SKAP1: variants seen among roughly 807,000 people sequenced by gnomAD.
SKAP1 encodes the protein src kinase associated phosphoprotein 1.
In SKAP1, 44 loss-of-function variants were observed where a neutral mutation model predicts 58.5. The ratio of observed to expected loss-of-function variants is 0.75; its 90% CI spans 0.59 to 0.97. SKAP1 has a LOEUF of 0.97. Among genes scored for constraint, SKAP1 ranks in the 50% least tolerant of loss-of-function variants. SKAP1 has a pLI of 0.00. For synonymous variants in SKAP1, 127 were observed against 149.7 expected, an observed-to-expected ratio of 0.85 and a Z score of 1.11; for missense variants, 390 against 435.2, an observed-to-expected ratio of 0.90 and a Z score of 0.92.
the SKAP1 span, among the ~76,000 whole-genome samples, chr17:48,443,568 T>C: frequency 6.6e-6 from 1 of 152,070 alleles, no homozygotes; most frequent in African/African-American, 2.4e-5. Flanking sequence ...CTCTGCCTCC[T>C]GGGTTCAAGC....
chr17:48,360,307 C>G (rs1300590131), intron 3 of SKAP1, among the ~76,000 whole-genome samples: 3 of 151,692 alleles, frequency 2.0e-5, no homozygotes, highest in East Asian at 3.9e-4. Flanking sequence ...AACATTATAC[C>G]TTATAATCAA....
At chr17:48,241,981 T>A (rs565086721) in intron 4 of SKAP1, among the ~76,000 whole-genome samples, 1 of 152,326 alleles carries the variant, frequency 6.6e-6, no homozygotes, top group East Asian at 1.9e-4. Context: ...ATATTCCTGA[T>A]AATGGGCTTA....
At chr17:48,391,937 A>G (rs1183536309) in intron 2 of SKAP1, among the ~76,000 whole-genome samples, 1 of 152,266 alleles carries the variant, frequency 6.6e-6, no homozygotes, top group African/African-American at 2.4e-5. Flanking sequence ...TTTGATAAGC[A>G]TACTTCATTT....
At chr17:48,414,348 T>A (rs539974199) in intron 1 of SKAP1, among the ~76,000 whole-genome samples, 1 of 152,124 alleles carries the variant, frequency 6.6e-6, no homozygotes, top group South Asian at 2.1e-4. Flanking sequence ...AGGAAAAGAA[T>A]GGCCCAGGCA....
At chr17:48,316,668 G>A (rs1176120481) in intron 4 of SKAP1, among the ~76,000 whole-genome samples, 2 of 152,152 alleles carry the variant, frequency 1.3e-5, no homozygotes, top group Non-Finnish European at 2.9e-5. Flanking sequence ...CGTGCACATA[G>A]TAGGTCCTCA....
At chr17:48,393,044 C>A (rs1244251730) in intron 2 of SKAP1, among the ~76,000 whole-genome samples, 3 of 152,126 alleles carry the variant, frequency 2.0e-5, no homozygotes, top group Non-Finnish European at 4.4e-5. Context: ...TGTCTCACAT[C>A]TGGTGCTAAT....
chr17:48,264,727 A>C (rs1219920101), intron 4 of SKAP1, among the ~76,000 whole-genome samples: 1 of 148,840 alleles, frequency 6.7e-6, no homozygotes, highest in South Asian at 2.1e-4. Flanking sequence ...TTAAACTTAC[A>C]TTTAATCAAA....
chr17:48,243,988 A>T lies in SKAP1; in HGVS notation c.281-54488T>A, dbSNP rs184740232. Among the ~76,000 whole-genome samples, 3 of 152,344 alleles carry T rather than the reference A, an allele frequency of 2.0e-5. No individual in the cohort carries two copies. In the East Asian group the frequency reaches 5.8e-4, roughly 29 times the overall value. On this transcript the variant is annotated intron_variant, in intron 4 of 12. Coordinates refer to ENST00000336915, the MANE Select transcript of SKAP1 (RefSeq NM_003726.4). ...AAGTTCAGGAGAAGAAAAAGAAGAG[A>T]TGTTAAATAAAAGACAAGAAACAAG...
chr17:48,409,667 C>CAA (rs35629210), intron 1 of SKAP1, among the ~76,000 whole-genome samples: 40 of 94,562 alleles, frequency 4.2e-4, no homozygotes, highest in Non-Finnish European at 6.7e-4. Context: ...GATCCTGTCT[C>CAA]AAAAAAAAAA....
At chr17:48,390,092 T>C (rs1598645382) in intron 2 of SKAP1, among the ~76,000 whole-genome samples, 1 of 152,328 alleles carries the variant, frequency 6.6e-6, no homozygotes, top group South Asian at 2.1e-4. Flanking sequence ...TCCTGACACT[T>C]GGCCCAGTGC....
At chr17:48,350,665 C>T (rs766725636) in intron 3 of SKAP1, among the ~76,000 whole-genome samples, 5 of 152,076 alleles carry the variant, frequency 3.3e-5, no homozygotes, top group Non-Finnish European at 7.3e-5. Flanking sequence ...CATTGCACTC[C>T]GGCCTGGGCA....
chr17:48,164,707 C>T (rs957453564), intron 10 of SKAP1, among the ~76,000 whole-genome samples: 30 of 152,140 alleles, frequency 2.0e-4, no homozygotes, highest in Admixed American at 1.4e-3. Context: ...TAGCTCAGCC[C>T]AAGAATAGGG....
At chr17:48,405,391 T>C (rs2067557231) in intron 1 of SKAP1, among the ~76,000 whole-genome samples, 1 of 144,938 alleles carries the variant, frequency 6.9e-6, no homozygotes, top group Non-Finnish European at 1.5e-5. Flanking sequence ...TTTTTCTCTT[T>C]CCTTTCTTTC....
At position 48,184,777 on chromosome 17, in the gene SKAP1, A is replaced by C. The variant is rs779507054; in HGVS notation, c.513T>G (p.Asp171Glu). 1 of 1,614,060 alleles carries C rather than the reference A, an allele frequency of 6.2e-7. No homozygotes were observed. The highest frequency in any genetic ancestry group is 8.5e-7 in the Non-Finnish European group (1 of 1,179,960). ...GVRMAPHLRR[D>E]SKKESCFELT... ...GTTCAAAGCAGGATTCTTTCTTGGA[A>C]TCTCTTCGCAGGTGGGGGGCCATCC... Residue 171 changes from aspartate to glutamate, a missense_variant, in exon 7 of 13, where the codon GAT (aspartate) becomes GAG (glutamate). Physicochemically the swap from Asp to Glu is conservative, Grantham distance 45. Transcript: ENST00000336915.
At chr17:48,213,350 C>A (rs1223450001) in intron 4 of SKAP1, among the ~76,000 whole-genome samples, 539 of 100,562 alleles carry the variant, frequency 5.4e-3, no homozygotes, top group African/African-American at 6.8e-3. Flanking sequence ...AACTCTGTCT[C>A]AAAAAAAAAA....
intron 10 of SKAP1, among the ~76,000 whole-genome samples, chr17:48,168,474 T>C (rs1166706593): frequency 6.6e-6 from 1 of 152,124 alleles, no homozygotes. Context: ...CTGGCCAGCA[T>C]GGTGAAACCC....
intron 1 of SKAP1, among the ~76,000 whole-genome samples, chr17:48,426,452 T>C (rs2067854411): frequency 6.6e-6 from 1 of 152,200 alleles, no homozygotes; most frequent in African/African-American, 2.4e-5. Context: ...TCCACCTCCT[T>C]CATACTTGTC....
chr17:48,223,059 G>A (rs1323274074), intron 4 of SKAP1, among the ~76,000 whole-genome samples: 5 of 56,782 alleles, frequency 8.8e-5, no homozygotes, highest in Admixed American at 3.0e-4. Flanking sequence ...GTGAGACTCC[G>A]TCTCAAAAAA....
intron 4 of SKAP1, among the ~76,000 whole-genome samples, chr17:48,296,367 G>A (rs1308698601): frequency 6.6e-6 from 1 of 152,114 alleles, no homozygotes; most frequent in Non-Finnish European, 1.5e-5. Flanking sequence ...GTTGCAAACA[G>A]CTCAAAAATA....
Sources: allele counts gnomAD v4.1 joint callset (sites outside exome capture counted in the v4.1 genomes callset), GRCh38; gene constraint gnomAD v4.1.1; transcripts MANE v1.5; gene names NCBI Gene and HGNC (gene_info 2026-07-23, HGNC 2026-07-21).